The following MRPS6 variants were observed in gnomAD, a reference collection of about 807,000 sequenced individuals.
MRPS6 encodes the protein small ribosomal subunit protein bS6m.
Under a neutral mutation model 13.1 loss-of-function variants are expected in MRPS6, and 6 were observed. That is an observed-to-expected ratio of 0.46 (90% CI 0.25 to 0.91). The LOEUF (loss-of-function observed/expected upper bound fraction) is 0.91, where lower values mean the gene tolerates loss of function less well. Among genes scored for constraint, MRPS6 ranks in the 40% least tolerant of loss-of-function variants. MRPS6 has a pLI of 0.18. For missense variants in MRPS6, 164 were observed against 155.6 expected (o/e 1.05, Z -0.29); for synonymous variants, 61 against 56.5 (o/e 1.08, Z -0.36).
At chr21:34,095,817 A>G (rs1978939497) in intron 1 of MRPS6, 1 of 1,613,942 alleles carries the variant, frequency 6.2e-7, no homozygotes, top group Non-Finnish European at 8.5e-7. Context: ...CATAATGGAG[A>G]TTGGCGGGTT....
Position 34,096,915 on chromosome 21 carries a change from C to T in MRPS6, c.45+23170C>T, listed in dbSNP as rs766106970. ...ATACAAAATGCAAGAAAAGAGCATT[C>T]TGAGATGCAGTGAGAATAATGAGAC... On this transcript the variant is annotated intron_variant, in intron 1 of 2. Transcript: ENST00000399312. This position sits in a 1 kb window ranked among gnomAD's most constrained non-coding sequence, Gnocchi z 5.9. The T allele has an allele frequency of 2.6e-5, 42 of 1,613,958 alleles. No homozygotes were observed. Among genetic ancestry groups the T allele is most frequent in the Non-Finnish European group, 3.4e-5 (40 of 1,179,976 alleles).
chr21:34,116,839 C>T (rs896319001), intron 1 of MRPS6, among the ~76,000 whole-genome samples: 3 of 152,068 alleles, frequency 2.0e-5, no homozygotes, highest in Non-Finnish European at 4.4e-5. Context: ...AAGATCAGTT[C>T]CTGGTCAGCA....
At chr21:34,139,243 G>T (rs771782510) in intron 2 of MRPS6, among the ~76,000 whole-genome samples, 1 of 150,084 alleles carries the variant, frequency 6.7e-6, no homozygotes, top group South Asian at 2.1e-4. Flanking sequence ...GCTAAATGAC[G>T]AGTTAATGGG....
At chr21:34,135,896 T>C (rs1244015737) in intron 2 of MRPS6, 5 of 510,880 alleles carry the variant, frequency 9.8e-6, no homozygotes, top group Admixed American at 2.7e-5. Context: ...GGCCCTGCAT[T>C]GTGAGGCAGG....
In MRPS6 at chr21:34,097,839, G is replaced by A. The variant is rs758912587; in HGVS notation, c.45+24094G>A. On this transcript the variant is annotated intron_variant, in intron 1 of 2. Coordinates refer to ENST00000399312, the MANE Select transcript of MRPS6 (RefSeq NM_032476.4). Reference sequence around the variant, plus strand: ...TATGTACTGAAAATCGAATGTGCTTGTGTGATACTTGTTTCAGGACAAGTT... The same window carrying A: ...TATGTACTGAAAATCGAATGTGCTTATGTGATACTTGTTTCAGGACAAGTT... 3.0e-6 allele frequency: 3 copies of A among 997,266 alleles called. No individual in the cohort carries two copies. In the African/African-American group the frequency reaches 5.2e-5, roughly 17 times the overall value. 61.8% of individuals were successfully genotyped at this position (997,266 alleles called of 1,614,324 possible).
At chr21:34,087,238 C>T (rs1204475436) in intron 1 of MRPS6, among the ~76,000 whole-genome samples, 2 of 142,680 alleles carry the variant, frequency 1.4e-5, no homozygotes, top group Non-Finnish European at 3.0e-5. Context: ...TTGCAGATCA[C>T]TGGTGGAGGA....
intron 2 of MRPS6, among the ~76,000 whole-genome samples, chr21:34,127,261 T>C (rs1980342733): frequency 1.3e-5 from 2 of 152,238 alleles, no homozygotes; most frequent in Non-Finnish European, 2.9e-5. Context: ...GGGAGGTTCA[T>C]GCTTTAAGCC....
intron 1 of MRPS6, among the ~76,000 whole-genome samples, chr21:34,085,115 C>T (rs1024948910): frequency 4.6e-5 from 7 of 152,250 alleles, no homozygotes; most frequent in African/African-American, 1.4e-4. Context: ...TGTTTTAATT[C>T]AGTATTCAAT....
chr21:34,119,162 C>T (rs886493589), intron 1 of MRPS6, among the ~76,000 whole-genome samples: 9 of 152,176 alleles, frequency 5.9e-5, no homozygotes, highest in African/African-American at 2.2e-4. Flanking sequence ...AGGTTCTCTA[C>T]AATGAAGAAT....
chr21:34,124,367 A>G (rs1980225640), intron 1 of MRPS6: 1 of 152,162 alleles, frequency 6.6e-6, no homozygotes, highest in Non-Finnish European at 1.5e-5. Context: ...TTATCCTTAT[A>G]AAGTATCTTT....
intron 1 of MRPS6, among the ~76,000 whole-genome samples, chr21:34,084,875 T>C (rs1989536452): frequency 6.6e-6 from 1 of 152,226 alleles, no homozygotes; most frequent in South Asian, 2.1e-4. Context: ...TTAACACTTG[T>C]ATGATTTTTG....
intron 1 of MRPS6, among the ~76,000 whole-genome samples, chr21:34,083,654 A>G (rs1192299611): frequency 6.6e-6 from 1 of 152,170 alleles, no homozygotes; most frequent in Non-Finnish European, 1.5e-5. Flanking sequence ...AAACAGTTGT[A>G]TGAAGTATAG....
At chr21:34,105,157 C>G (rs2148662958) in intron 1 of MRPS6, 3 of 1,000,126 alleles carry the variant, frequency 3.0e-6, no homozygotes, top group East Asian at 1.1e-4. Flanking sequence ...CTTGCTTTCC[C>G]CCACTGTTAC....
chr21:34,100,092 A>G, intron 1 of MRPS6: 1 of 999,116 alleles, frequency 1.0e-6, no homozygotes. Context: ...TTTTTATATT[A>G]GCTCAAGCTA....
intron 1 of MRPS6, among the ~76,000 whole-genome samples, chr21:34,108,941 T>C (rs1345758600): frequency 6.6e-6 from 1 of 152,164 alleles, no homozygotes; most frequent in Admixed American, 6.5e-5. Context: ...CTCTCCTGCT[T>C]AGAGCCCCTT....
chr21:34,133,822 G>C (rs1275290465), intron 2 of MRPS6, among the ~76,000 whole-genome samples: 3 of 152,238 alleles, frequency 2.0e-5, no homozygotes, highest in African/African-American at 7.2e-5. Context: ...GGAGCTCAGA[G>C]AAAAACTACC....
At chr21:34,126,392 G>A (rs1392718173) in intron 2 of MRPS6, among the ~76,000 whole-genome samples, 6 of 152,200 alleles carry the variant, frequency 3.9e-5, no homozygotes, top group African/African-American at 1.4e-4. Context: ...GTCTCACATC[G>A]AGGCTTTCTT....
At chr21:34,077,895 A>G (rs901803927) in intron 1 of MRPS6, among the ~76,000 whole-genome samples, 2 of 152,190 alleles carry the variant, frequency 1.3e-5, no homozygotes, top group African/African-American at 2.4e-5. Context: ...AACACCTGGC[A>G]AAAGTTTTGT....
At chr21:34,128,929 A>C (rs1980403970) in intron 2 of MRPS6, among the ~76,000 whole-genome samples, 1 of 152,106 alleles carries the variant, frequency 6.6e-6, no homozygotes. Context: ...CATGACCTGG[A>C]GCTGGGTGGC....
Sources: allele counts gnomAD v4.1 joint callset (sites outside exome capture counted in the v4.1 genomes callset), GRCh38; gene constraint gnomAD v4.1.1; non-coding constraint Gnocchi (gnomAD v3.1); transcripts MANE v1.5; gene names NCBI Gene and HGNC (gene_info 2026-07-23, HGNC 2026-07-21).